NAV1: variants seen among roughly 807,000 people sequenced by gnomAD.
NAV1 encodes pore membrane and/or filament interacting like protein 3.
NAV1 carries 18 observed loss-of-function variants against 175.2 expected under a neutral mutation model. The observed-to-expected ratio is 0.10, with a 90% CI of 0.07 to 0.15. The LOEUF is 0.15. NAV1 is among the 10% of genes least tolerant of loss of function. The pLI is 1.00. For synonymous variants in NAV1, 897 were observed against 978.7 expected (o/e 0.92, Z 1.56); for missense variants, 1,731 against 2,436.6 (o/e 0.71, Z 6.10).
At chr1:201,608,450 C>G (rs560495890) in intron 2 of NAV1, among the ~76,000 whole-genome samples, 1 of 152,346 alleles carries the variant, frequency 6.6e-6, no homozygotes, top group East Asian at 1.9e-4. Flanking sequence ...ACCTCCTGAT[C>G]AGCCCTTCAA....
chr1:201,739,780 G>C, intron 3 of NAV1: 5 of 1,216,330 alleles, frequency 4.1e-6, no homozygotes, highest in Non-Finnish European at 1.0e-6. Flanking sequence ...CTGCATCGCC[G>C]GGGCTCGGGA....
At chr1:201,749,041 G>C (rs1431157937) in intron 3 of NAV1, among the ~76,000 whole-genome samples, 1 of 152,034 alleles carries the variant, frequency 6.6e-6, no homozygotes, top group Non-Finnish European at 1.5e-5. Flanking sequence ...CCAGCTACTC[G>C]GGAGGCTGAG....
At chr1:201,734,515 A>AGAAGAAGAAGAAGAAGAG (rs1558109232) in intron 3 of NAV1, among the ~76,000 whole-genome samples, 1 of 151,340 alleles carries the variant, frequency 6.6e-6, no homozygotes, top group African/African-American at 2.4e-5. Context: ...AAGAAGAAGA[A>AGAAGAAGAAGAAGAAGAG]GAAGAAGAAG....
In NAV1 at chr1:201,808,096, T is replaced by C; in HGVS notation, c.3792T>C (p.Ala1264=). The change falls in exon 18 of 30, where the codon GCT becomes GCC. Residue 1264 remains alanine, a synonymous_variant. Coordinates refer to ENST00000367296, the Ensembl canonical transcript of NAV1. The surrounding 1 kb of genome is among the most constrained non-coding windows in gnomAD (Gnocchi z 5.5). ...TACAGCATGGTTCTACAGAGACTGCTTCACCCTCCATCAAGTCCTCCACCT... is the reference window on the plus strand; with the variant it reads ...TACAGCATGGTTCTACAGAGACTGCCTCACCCTCCATCAAGTCCTCCACCT... The C allele has an allele frequency of 6.2e-7, 1 of 1,614,200 alleles. No homozygotes were observed.
chr1:201,604,383 C>T (rs1469496514), intron 2 of NAV1, among the ~76,000 whole-genome samples: 1 of 152,064 alleles, frequency 6.6e-6, no homozygotes, highest in Non-Finnish European at 1.5e-5. Context: ...GATAAGAAAA[C>T]TGAAGCTCAT....
chr1:201,729,430 C>T (rs1441858169), intron 3 of NAV1, among the ~76,000 whole-genome samples: 2 of 151,648 alleles, frequency 1.3e-5, no homozygotes, highest in South Asian at 2.1e-4. Context: ...CACTTGAGGT[C>T]GGGAGTTCGA....
At chr1:201,598,005 A>G (rs1255376786) in intron 2 of NAV1, among the ~76,000 whole-genome samples, 1 of 152,152 alleles carries the variant, frequency 6.6e-6, no homozygotes, top group Non-Finnish European at 1.5e-5. Context: ...AATGCCTCCA[A>G]TATATACTGA....
chr1:201,550,628 G>A (rs550722300), intron 1 of NAV1, among the ~76,000 whole-genome samples: 19 of 152,346 alleles, frequency 1.2e-4, no homozygotes, highest in African/African-American at 4.3e-4. Flanking sequence ...GCATTTTTGT[G>A]AAAGCTAAAG....
intron 15 of NAV1, chr1:201,798,221 C>T (rs1677584275): frequency 6.6e-6 from 1 of 152,206 alleles, no homozygotes; most frequent in Non-Finnish European, 1.5e-5. Flanking sequence ...ATTGTCACTA[C>T]CCTGGCTCAG....
At chr1:201,642,521 CTTTT>C (rs145876654) in intron 2 of NAV1, among the ~76,000 whole-genome samples, 1,276 of 97,798 alleles carry the variant, frequency 0.013, 27 homozygotes, top group East Asian at 0.015. Flanking sequence ...CTCTTTCTTT[CTTTT>C]TTTCTTTCTT....
At chr1:201,677,415 G>A (rs889976903) in intron 1 of NAV1, among the ~76,000 whole-genome samples, 1 of 152,022 alleles carries the variant, frequency 6.6e-6, no homozygotes, top group African/African-American at 2.4e-5. Context: ...CTGTGCCATG[G>A]GACATGGACT....
intron 1 of NAV1, among the ~76,000 whole-genome samples, chr1:201,651,322 G>A (rs1302242118): frequency 1.3e-5 from 2 of 152,066 alleles, no homozygotes; most frequent in East Asian, 3.9e-4. Context: ...TGTCCCAGAA[G>A]CTGACTGCCC....
At chr1:201,583,320 A>G (rs1488799149) in intron 1 of NAV1, among the ~76,000 whole-genome samples, 1 of 152,220 alleles carries the variant, frequency 6.6e-6, no homozygotes, top group Admixed American at 6.5e-5. Context: ...CAGGCCCTGT[A>G]CCCCAGCTGT....
chr1:201,651,620 G>T (rs1418822423), intron 1 of NAV1, among the ~76,000 whole-genome samples: 1 of 152,184 alleles, frequency 6.6e-6, no homozygotes, highest in African/African-American at 2.4e-5. Flanking sequence ...GTTCATGGTG[G>T]AAGGGAGATT....
At chr1:201,564,384 G>T (rs543958297) in intron 1 of NAV1, among the ~76,000 whole-genome samples, 2 of 152,324 alleles carry the variant, frequency 1.3e-5, no homozygotes, top group Admixed American at 1.3e-4. Flanking sequence ...GGAGGCCGAG[G>T]CGGGCAGATC....
At chr1:201,704,679 T>C (rs1393182455) in intron 1 of NAV1, among the ~76,000 whole-genome samples, 2 of 152,378 alleles carry the variant, frequency 1.3e-5, no homozygotes, top group South Asian at 2.1e-4. Context: ...TGGCCTTATG[T>C]AGCACACCCT....
At chr1:201,674,909 G>A (rs945492106) in intron 1 of NAV1, among the ~76,000 whole-genome samples, 7 of 151,880 alleles carry the variant, frequency 4.6e-5, no homozygotes, top group African/African-American at 1.2e-4. Flanking sequence ...GTGTGGTGGC[G>A]CGCACCTGTA....
chr1:201,550,152 T>A (rs1040625533), intron 1 of NAV1, among the ~76,000 whole-genome samples: 9 of 151,992 alleles, frequency 5.9e-5, no homozygotes, highest in East Asian at 1.9e-4. Flanking sequence ...TGTTGTAATT[T>A]AAAAAAAATT....
chr1:201,559,640 C>T (rs149724548), intron 1 of NAV1, among the ~76,000 whole-genome samples: 1 of 152,062 alleles, frequency 6.6e-6, no homozygotes, highest in East Asian at 1.9e-4. Context: ...GGATTAGCCT[C>T]CTTTCTCCTG....
Sources: allele counts gnomAD v4.1 joint callset (sites outside exome capture counted in the v4.1 genomes callset), GRCh38; gene constraint gnomAD v4.1.1; non-coding constraint Gnocchi (gnomAD v3.1); transcripts MANE v1.5; gene names NCBI Gene and HGNC (gene_info 2026-07-23, HGNC 2026-07-21).